The following SHB variants were observed in gnomAD, a reference collection of about 807,000 sequenced individuals.
SHB encodes the protein SH2 domain containing adaptor protein B.
A neutral mutation model predicts 52.3 loss-of-function variants in SHB; 20 were observed. That is an observed-to-expected ratio of 0.38 (90% confidence interval 0.27 to 0.56). SHB has a LOEUF of 0.56. Among genes scored for constraint, SHB ranks in the 20% least tolerant of loss-of-function variants. The pLI, the probability that SHB is intolerant of heterozygous loss-of-function variation, is 0.71. For missense variants in SHB, 825 were observed against 723.3 expected (o/e 1.14, Z -1.61); for synonymous variants, 397 against 316.5 (o/e 1.25, Z -2.70).
At chr9:37,965,375 G>A (rs979919724) in intron 3 of SHB, among the ~76,000 whole-genome samples, 1 of 152,186 alleles carries the variant, frequency 6.6e-6, no homozygotes, top group Non-Finnish European at 1.5e-5. Context: ...GTTGAGACCA[G>A]AGGTGGCAGC....
chr9:37,984,151 G>C (rs1166543394), intron 2 of SHB, among the ~76,000 whole-genome samples: 1 of 152,186 alleles, frequency 6.6e-6, no homozygotes, highest in Non-Finnish European at 1.5e-5. Flanking sequence ...TGTGAATATT[G>C]CCATTTCAAC....
At chr9:38,067,737 G>A (rs1188631666) in intron 1 of SHB, among the ~76,000 whole-genome samples, 192 bp downstream of exon 1, 1 of 152,212 alleles carries the variant, frequency 6.6e-6, no homozygotes, top group East Asian at 1.9e-4. Context: ...CGAAAGAGGT[G>A]GGGTCAGGAG....
chr9:37,928,077 C>A (rs1220558567), intron 5 of SHB, among the ~76,000 whole-genome samples: 2 of 152,146 alleles, frequency 1.3e-5, no homozygotes, highest in Non-Finnish European at 2.9e-5. Flanking sequence ...AAAGTCTGAT[C>A]CCACTGATAT....
At position 38,068,512 on chromosome 9, in the gene SHB, G is replaced by C. The variant is rs1260466276; in HGVS notation, c.134C>G (p.Pro45Arg). 2 of 1,482,804 alleles carry C rather than the reference G, an allele frequency of 1.3e-6. No individual in the cohort carries two copies. The highest frequency in any genetic ancestry group is 8.9e-7 in the Non-Finnish European group (1 of 1,123,936). The allele number at this position is 1,482,804 out of a possible 1,614,324, so 91.9% of individuals were successfully genotyped here. A position where few individuals can be genotyped will look rare whatever the true frequency, so the allele number is the denominator to read the frequency against. ...CGCCGAGGCGGCGGAGGAGGCCTGC[G>C]GCACGGCCTGGGGGGGCTGCGAAGG... is the stretch of plus-strand genomic sequence containing the variant. Reference protein sequence around the residue: ...ERPSQPPQAVPQASSAASASC... With the variant: ...ERPSQPPQAVRQASSAASASC... The change falls in exon 1 of 6, where the codon CCG becomes CGG. Residue 45 changes from proline to arginine, a missense_variant. Coordinates refer to ENST00000377707, the MANE Select transcript of SHB (RefSeq NM_003028.3).
intron 1 of SHB, among the ~76,000 whole-genome samples, chr9:38,062,396 C>T (rs1821906498): frequency 6.6e-6 from 1 of 152,182 alleles, no homozygotes; most frequent in African/African-American, 2.4e-5. Context: ...GACACTGCAG[C>T]TCCTCCTCTC....
Position 38,068,449 on chromosome 9 carries a change from G to A in SHB, c.197C>T (p.Ser66Phe), listed in dbSNP as rs1356864591. The A allele has an allele frequency of 2.0e-6, 3 of 1,538,354 alleles. No homozygotes were observed. The highest frequency in any genetic ancestry group is 2.6e-6 in the Non-Finnish European group (3 of 1,147,096). ...GPATASCFSA[S>F]SGSLPDDSGS... ...GCTGTCGTCGGGCAGCGAGCCCGAA[G>A]AGGCTGAGAAGCAGGAGGCGGTGGC... The change falls in exon 1 of 6, where the codon TCT becomes TTT. Residue 66 changes from serine to phenylalanine, a missense_variant. Physicochemically the swap from Ser to Phe is radical, Grantham distance 155. Transcript: ENST00000377707.
intron 1 of SHB, among the ~76,000 whole-genome samples, chr9:38,020,588 G>A (rs1189234943): frequency 1.3e-5 from 2 of 152,138 alleles, no homozygotes; most frequent in Admixed American, 6.5e-5. Flanking sequence ...GCCATCTCCA[G>A]GATCTAAGAC....
At chr9:38,033,528 A>G (rs934587203) in intron 1 of SHB, among the ~76,000 whole-genome samples, 1 of 152,226 alleles carries the variant, frequency 6.6e-6, no homozygotes, top group African/African-American at 2.4e-5. Context: ...CACAAAAAAT[A>G]AAAATTAAAA....
chr9:38,064,458 C>T (rs902825802), intron 1 of SHB, among the ~76,000 whole-genome samples: 7 of 152,166 alleles, frequency 4.6e-5, no homozygotes, highest in African/African-American at 1.4e-4. Context: ...CATACACACA[C>T]GTCTATGTTC....
intron 2 of SHB, among the ~76,000 whole-genome samples, chr9:37,976,138 C>T (rs1378751832): frequency 6.6e-6 from 1 of 152,176 alleles, no homozygotes; most frequent in Non-Finnish European, 1.5e-5. Flanking sequence ...CGGGTTTACA[C>T]GATTCTTGTG....
In SHB at chr9:37,955,932, C is replaced by T. The variant is rs749924331; in HGVS notation, c.1177G>A (p.Gly393Arg). Residue 393 changes from glycine (G) to arginine (R), a missense_variant, in exon 4 of 6, where the codon GGG (glycine) becomes AGG (arginine). Gly to Arg is a moderately radical substitution (Grantham distance 125). Coordinates refer to ENST00000377707, the MANE Select transcript of SHB (RefSeq NM_003028.3). The stretch of plus-strand genomic sequence containing the variant: ...GGATCCACCCTTTCTCCTAGGATCC[C>T]GCAGAACTCAGGGCTCCCATGTTTG... ...PIKHGSPEFC[G>R]ILGERVDPAV... 9.3e-6 allele frequency: 15 copies of T among 1,613,650 alleles called. 1 individual carries two copies. Among genetic ancestry groups the T allele is most frequent in the Non-Finnish European group, 1.3e-5 (15 of 1,179,910 alleles).
intron 5 of SHB, among the ~76,000 whole-genome samples, chr9:37,947,936 T>C (rs1191850092): frequency 2.0e-5 from 3 of 152,248 alleles, no homozygotes; most frequent in Non-Finnish European, 4.4e-5. Context: ...TCAGTTTTTC[T>C]GTAAAATGGG....
At chr9:37,927,196 T>G (rs199639197) in intron 5 of SHB, among the ~76,000 whole-genome samples, 1 of 152,148 alleles carries the variant, frequency 6.6e-6, no homozygotes, top group Non-Finnish European at 1.5e-5. Context: ...GCAGGGGGCA[T>G]GGAGGCTCCT....
rs948929082 is a variant in SHB, at chr9:37,918,502, T to C, written c.*1319A>G. The stretch of plus-strand genomic sequence containing the variant: ...CCACTGAGGGCTGTGTGTGTGTGTG[T>C]GTGTGTGTGTGTAGGTGTTCTTGTG... On this transcript the variant is annotated 3_prime_UTR_variant, in exon 6 of 6. Coordinates refer to ENST00000377707, the MANE Select transcript of SHB (RefSeq NM_003028.3). 1.6e-5 allele frequency among the ~76,000 whole-genome samples: 2 copies of C among 127,050 alleles called. No homozygotes were observed. The highest frequency in any genetic ancestry group is 5.9e-5 in the African/African-American group (2 of 33,964). 83.3% of individuals were successfully genotyped at this position (127,050 alleles called of 152,430 possible). A position where few individuals can be genotyped will look rare whatever the true frequency, so the allele number is the denominator to read the frequency against.
chr9:38,043,224 T>C (rs116770942), intron 1 of SHB, among the ~76,000 whole-genome samples: 1,763 of 152,300 alleles, frequency 0.012, 30 homozygotes, highest in African/African-American at 0.04. Context: ...TGTCCAATGC[T>C]CTGCCCCCAG....
chr9:38,047,497 C>T (rs1362854892), intron 1 of SHB, among the ~76,000 whole-genome samples: 1 of 152,236 alleles, frequency 6.6e-6, no homozygotes, highest in Non-Finnish European at 1.5e-5. Context: ...CTGCCTCCAA[C>T]AGGGAAGTTA....
chr9:37,984,050 C>T (rs1421521368), intron 2 of SHB, among the ~76,000 whole-genome samples: 2 of 152,196 alleles, frequency 1.3e-5, no homozygotes, highest in Non-Finnish European at 2.9e-5. Context: ...GGGGAGAAAA[C>T]GGCACCCACT....
chr9:37,950,954 T>A (rs1587207889), intron 4 of SHB, among the ~76,000 whole-genome samples: 1 of 152,350 alleles, frequency 6.6e-6, no homozygotes, highest in Non-Finnish European at 1.5e-5. Context: ...TCCTGGTGCC[T>A]GTCTCAGAGT....
chr9:37,992,518 A>T (rs918535725), intron 2 of SHB, among the ~76,000 whole-genome samples: 1 of 151,700 alleles, frequency 6.6e-6, no homozygotes, highest in Non-Finnish European at 1.5e-5. Flanking sequence ...AAGTACCACT[A>T]GGCTAAAGAG....
Sources: allele counts gnomAD v4.1 joint callset (sites outside exome capture counted in the v4.1 genomes callset), GRCh38; gene constraint gnomAD v4.1.1; transcripts MANE v1.5; gene names NCBI Gene and HGNC (gene_info 2026-07-23, HGNC 2026-07-21).